The following ZNF189 variants were observed in gnomAD, a reference collection of about 807,000 sequenced individuals.
ZNF189 encodes the protein zinc finger protein 189.
In ZNF189, 33 loss-of-function variants were observed where a neutral mutation model predicts 53.5. The observed-to-expected ratio is 0.62, with a 90% CI of 0.47 to 0.82. The LOEUF (loss-of-function observed/expected upper bound fraction) is 0.82. Ranked by LOEUF, ZNF189 falls within the 40% of genes least tolerant of loss-of-function variation. The probability of loss-of-function intolerance (pLI) is 0.00; values close to 1 mark genes in which losing one functional copy is unlikely to be tolerated. For missense variants in ZNF189, 711 were observed against 753.9 expected (o/e 0.94, Z 0.67); for synonymous variants, 247 against 238.8 (o/e 1.03, Z -0.32).
rs1186431052 is a variant in ZNF189 at position 101,410,192 on chromosome 9, A to G, written c.*543A>G. On this transcript the variant is annotated 3_prime_UTR_variant, in exon 3 of 3. Transcript: ENST00000339664. Reference sequence around the variant, plus strand: ...TGGCATGTGAGTTAAAGGCAGTTCCAATGCCTGATGGTTCCCAGATCTATG... The same window carrying G: ...TGGCATGTGAGTTAAAGGCAGTTCCGATGCCTGATGGTTCCCAGATCTATG... 1 of 152,932 alleles carries G rather than the reference A, an allele frequency of 6.5e-6. No individual in the cohort carries two copies. The highest frequency in any genetic ancestry group is 1.5e-5 in the Non-Finnish European group (1 of 68,308). The allele number at this position is 152,932 out of a possible 1,614,324, so 9.5% of individuals were successfully genotyped here.
At chr9:101,405,804 G>A (rs547693391) in intron 2 of ZNF189, among the ~76,000 whole-genome samples, 5 of 152,070 alleles carry the variant, frequency 3.3e-5, no homozygotes, top group Non-Finnish European at 4.4e-5. Context: ...GGCCAGGCAC[G>A]GTGGCTCACT....
At chr9:101,404,078 G>T (rs1404383003) in intron 2 of ZNF189, among the ~76,000 whole-genome samples, 1 of 152,158 alleles carries the variant, frequency 6.6e-6, no homozygotes, top group African/African-American at 2.4e-5. Flanking sequence ...TAGAAAAATT[G>T]GCCATGACCA....
Position 101,409,840 on chromosome 9 carries a change from G to T in ZNF189, c.*191G>T. 2 of 589,558 alleles carry T rather than the reference G, an allele frequency of 3.4e-6. No individual in the cohort carries two copies. The highest frequency in any genetic ancestry group is 2.5e-5 in the South Asian group (1 of 39,726). The allele number at this position is 589,558 out of a possible 1,614,324, so 36.5% of individuals were successfully genotyped here. A position where few individuals can be genotyped will look rare whatever the true frequency, so the allele number is the denominator to read the frequency against. ...TGACTTCCCTTACTCTTTGATGATC[G>T]TAGAGAAAGACTTGGTAATTTATCT... On this transcript the variant is annotated 3_prime_UTR_variant, in exon 3 of 3. Transcript: ENST00000339664.
At chr9:101,399,446 T>C in intron 1 of ZNF189, 2 of 1,336,682 alleles carry the variant, frequency 1.5e-6, no homozygotes, top group South Asian at 1.8e-5. Flanking sequence ...AGACTAGCTC[T>C]CTCATTTGTG....
In ZNF189 at chr9:101,409,299, C is replaced by A; in HGVS notation, c.1531C>A (p.Pro511Thr). The change falls in exon 3 of 3, where the codon CCC becomes ACC. Residue 511 changes from proline (P) to threonine (T), a missense_variant. By Grantham distance (38) the Pro-to-Thr change is conservative (BLOSUM62 -1). Transcript: ENST00000339664. ...TCAGAGAATCCACACTGGTGAGAGA[C>A]CCTATCTGTGCAGACAGTGTGGAAA... ...EHQRIHTGERPYLCRQCGKSF... is the reference protein window; with the variant it reads ...EHQRIHTGERTYLCRQCGKSF... 1 of 1,614,138 alleles carries A rather than the reference C, an allele frequency of 6.2e-7. No individual in the cohort carries two copies.
intron 2 of ZNF189, among the ~76,000 whole-genome samples, chr9:101,403,493 T>C (rs1041853659): frequency 2.6e-5 from 4 of 152,242 alleles, no homozygotes; most frequent in Admixed American, 1.3e-4. Context: ...AATGCAACTC[T>C]TGTCTAGCTT....
In ZNF189 at chr9:101,409,224, T is replaced by A. The variant is rs751800926; in HGVS notation, c.1456T>A (p.Cys486Ser). ...CCACACTGGTGAAAAGCCCTATCTA[T>A]GTACTGTCTGTGGGAAAAGCTTCAG... ...RIHTGEKPYLCTVCGKSFSRS... is the reference protein window; with the variant it reads ...RIHTGEKPYLSTVCGKSFSRS... The change falls in exon 3 of 3, where the codon TGT (cysteine) becomes AGT (serine). Residue 486 changes from cysteine to serine, a missense_variant. By Grantham distance (112) the Cys-to-Ser change is moderately radical (BLOSUM62 -1). Coordinates refer to ENST00000339664, the MANE Select transcript of ZNF189 (RefSeq NM_003452.4). 6.2e-7 allele frequency: 1 copy of A among 1,613,546 alleles called. No individual in the cohort carries two copies. The highest frequency in any genetic ancestry group is 1.1e-5 in the South Asian group (1 of 91,054).
At chr9:101,403,712 T>C (rs1830615129) in intron 2 of ZNF189, among the ~76,000 whole-genome samples, 2 of 152,220 alleles carry the variant, frequency 1.3e-5, no homozygotes, top group African/African-American at 2.4e-5. Flanking sequence ...GAGCAAACGT[T>C]CTGGTCTTTG....
intron 2 of ZNF189, among the ~76,000 whole-genome samples, chr9:101,403,846 C>T (rs998590544): frequency 1.3e-5 from 2 of 152,226 alleles, no homozygotes; most frequent in Non-Finnish European, 2.9e-5. Flanking sequence ...TAGGGCTTCA[C>T]CATATGAATA....
intron 2 of ZNF189, 55 bp downstream of exon 2, chr9:101,400,065 G>A: frequency 6.3e-7 from 1 of 1,593,272 alleles, no homozygotes; most frequent in Non-Finnish European, 8.5e-7. Flanking sequence ...AGAGAAATCA[G>A]ACTAACAGAA....
At chr9:101,401,033 T>G (rs760158092) in intron 2 of ZNF189, among the ~76,000 whole-genome samples, 17 of 152,230 alleles carry the variant, frequency 1.1e-4, no homozygotes, top group Non-Finnish European at 1.6e-4. Context: ...CAGCAAGCTC[T>G]CTTGCTAGCT....
intron 2 of ZNF189, among the ~76,000 whole-genome samples, chr9:101,401,930 T>C (rs1348450594): frequency 6.6e-6 from 1 of 151,994 alleles, no homozygotes; most frequent in Non-Finnish European, 1.5e-5. Flanking sequence ...CATTTTTTTT[T>C]TCAAGTCATA....
Position 101,407,922 on chromosome 9 carries a change from A to T in ZNF189, c.161-7A>T. 6.6e-7 allele frequency: 1 copy of T among 1,520,146 alleles called. No individual in the cohort carries two copies. The highest frequency in any genetic ancestry group is 1.3e-5 in the South Asian group (1 of 74,726). 94.2% of individuals were successfully genotyped at this position (1,520,146 alleles called of 1,614,324 possible). Reference sequence around the variant, plus strand: ...TTGATCTTTGTATTTCCTTTTTATTATTCCAGATGTTTTGAACAGAGATAA... The same window carrying T: ...TTGATCTTTGTATTTCCTTTTTATTTTTCCAGATGTTTTGAACAGAGATAA... On this transcript the variant is annotated splice_polypyrimidine_tract_variant and splice_region_variant and intron_variant, in intron 2 of 2. Coordinates refer to ENST00000339664, the MANE Select transcript of ZNF189 (RefSeq NM_003452.4).
At chr9:101,399,487 T>G in intron 1 of ZNF189, 2 of 1,284,042 alleles carry the variant, frequency 1.6e-6, no homozygotes, top group East Asian at 4.0e-5. Flanking sequence ...ATTTTTGACC[T>G]TCCCTTGTGT....
At chr9:101,407,835 G>A (rs1830769044) in intron 2 of ZNF189, 94 bp from the exon 3 acceptor site, 1 of 1,290,206 alleles carries the variant, frequency 7.8e-7, no homozygotes, top group African/African-American at 1.5e-5. Context: ...ATCCCACCTT[G>A]ACTTTATTTG....
rs1379160573 is a variant in ZNF189, at chr9:101,408,012, G to A, written c.244G>A (p.Val82Ile). ...TGAGGAAGAAGTGGAACCACAGGGTGTAATAGTTACAAGAATCAAAAGTGA... is the reference window on the plus strand; with the variant it reads ...TGAGGAAGAAGTGGAACCACAGGGTATAATAGTTACAAGAATCAAAAGTGA... ...EIEEEVEPQG[V>I]IVTRIKSEID... Residue 82 changes from valine (V) to isoleucine (I), a missense_variant, in exon 3 of 3, where the codon GTA becomes ATA. Transcript: ENST00000339664. 1.2e-6 allele frequency: 2 copies of A among 1,613,334 alleles called. No individual in the cohort carries two copies. Among genetic ancestry groups the A allele is most frequent in the African/African-American group, 1.3e-5 (1 of 74,886 alleles).
At chr9:101,402,940 A>G (rs1166045444) in intron 2 of ZNF189, among the ~76,000 whole-genome samples, 1 of 152,202 alleles carries the variant, frequency 6.6e-6, no homozygotes, top group African/African-American at 2.4e-5. Context: ...GTATTAGTTA[A>G]CTGTGTAAAA....
chr9:101,408,628 C>T lies in ZNF189; in HGVS notation c.860C>T (p.Pro287Leu). 6.2e-7 allele frequency: 1 copy of T among 1,614,092 alleles called. No individual in the cohort carries two copies. The highest frequency in any genetic ancestry group is 8.5e-7 in the Non-Finnish European group (1 of 1,180,004). The change falls in exon 3 of 3, where the codon CCT becomes CTT. Residue 287 changes from proline to leucine, a missense_variant. By Grantham distance (98) the Pro-to-Leu change is moderately conservative (BLOSUM62 -3). Coordinates refer to ENST00000339664, the MANE Select transcript of ZNF189 (RefSeq NM_003452.4). ...CAAAGAACTCACACTGGTGAGAAAC[C>T]TTATCACTGTACCAAATGTAAGAAG... The part of the protein sequence containing the change: ...EHQRTHTGEK[P>L]YHCTKCKKSF...
At chr9:101,399,566 A>G (rs756283938) in intron 1 of ZNF189, 1 of 1,284,124 alleles carries the variant, frequency 7.8e-7, no homozygotes, top group Non-Finnish European at 9.9e-7. Context: ...ATTGAATTGA[A>G]TAGAGTCACA....
Sources: gnomAD v4.1 joint callset for allele counts (sites outside exome capture counted in the v4.1 genomes callset) on GRCh38, gnomAD v4.1.1 for gene constraint, MANE v1.5 for transcripts, NCBI Gene and HGNC (gene_info 2026-07-23, HGNC 2026-07-21) for gene names.